Variants in PABPC1L observed in about 807,000 individuals in gnomAD.
PABPC1L encodes polyadenylate-binding protein 1-like.
PABPC1L carries 31 observed loss-of-function variants against 66.6 expected under a neutral mutation model. That is an observed-to-expected ratio of 0.47 (90% CI 0.35 to 0.63). The LOEUF (loss-of-function observed/expected upper bound fraction) is 0.63, where lower values mean the gene tolerates loss of function less well. Ranked by LOEUF, PABPC1L falls within the 20% of genes least tolerant of loss-of-function variation. The pLI, the probability that PABPC1L is intolerant of heterozygous loss-of-function variation, is 0.00. For missense variants in PABPC1L, 722 were observed against 848.8 expected (o/e 0.85, Z 1.86); for synonymous variants, 348 against 335.1 (o/e 1.04, Z -0.42).
intron 10 of PABPC1L, among the ~76,000 whole-genome samples, chr20:44,934,428 G>A (rs1480153310): frequency 6.6e-6 from 1 of 152,172 alleles, no homozygotes; most frequent in Non-Finnish European, 1.5e-5. Context: ...CCACTCTCCA[G>A]AACTCTGTTC....
intron 10 of PABPC1L, 56 bp downstream of exon 10, chr20:44,933,241 T>C: frequency 7.0e-7 from 1 of 1,419,660 alleles, no homozygotes. Context: ...GCACTAGGAG[T>C]CAGGACCAGC....
intron 2 of PABPC1L, 26 bp downstream of exon 2, chr20:44,912,879 T>A (rs749361939): frequency 2.5e-6 from 4 of 1,578,274 alleles, no homozygotes; most frequent in Non-Finnish European, 2.6e-6. Flanking sequence ...TGTACGTCTT[T>A]GGGTAGATCG....
At chr20:44,938,007 A>G (rs2066914503) in intron 12 of PABPC1L, 54 bp from the exon 13 acceptor site, 2 of 1,611,002 alleles carry the variant, frequency 1.2e-6, no homozygotes, top group Non-Finnish European at 1.7e-6. Flanking sequence ...GAGCCCTGGG[A>G]TGCTGGGGTG....
At chr20:44,915,513 T>C (rs1420809637) in intron 2 of PABPC1L, among the ~76,000 whole-genome samples, 1 of 151,872 alleles carries the variant, frequency 6.6e-6, no homozygotes, top group Non-Finnish European at 1.5e-5. Flanking sequence ...TTAAAAAAAT[T>C]GAGGCGGGGT....
In PABPC1L at chr20:44,918,476, C is replaced by T. The variant is rs566219528; in HGVS notation, c.504-430C>T. The stretch of plus-strand genomic sequence containing the variant: ...CAATACATGTTAATAAGCAAAGCCC[C>T]ATGATGAGAATTTGAGTCCCAATTT... On this transcript the variant is annotated intron_variant, in intron 3 of 14. Transcript: ENST00000217073. 5.9e-5 allele frequency among the ~76,000 whole-genome samples: 9 copies of T among 152,302 alleles called. No individual in the cohort carries two copies. In the South Asian group the frequency reaches 1.7e-3, roughly 28 times the overall value.
At chr20:44,912,269 C>T (rs2066710265) in intron 1 of PABPC1L, among the ~76,000 whole-genome samples, 1 of 152,212 alleles carries the variant, frequency 6.6e-6, no homozygotes, top group African/African-American at 2.4e-5. Context: ...GCTGCCACCC[C>T]TTGTCATATG....
chr20:44,922,705 T>C (rs2066782682), intron 6 of PABPC1L, among the ~76,000 whole-genome samples: 1 of 152,216 alleles, frequency 6.6e-6, no homozygotes, highest in Admixed American at 6.5e-5. Context: ...TCTAGATCCT[T>C]CATGGAGAGG....
chr20:44,920,915 G>A (rs1280480015), intron 5 of PABPC1L, among the ~76,000 whole-genome samples: 2 of 147,114 alleles, frequency 1.4e-5, no homozygotes, highest in Non-Finnish European at 3.0e-5. Context: ...CAGTTTCAAG[G>A]GATTCTCCCA....
chr20:44,916,784 G>A lies in PABPC1L; in HGVS notation c.416G>A (p.Gly139Asp). Residue 139 changes from glycine to aspartate, a missense_variant, in exon 3 of 15, where the codon GGT (glycine) becomes GAT (aspartate). Physicochemically the swap from Gly to Asp is moderately conservative, Grantham distance 94. This residue lies in a region of PABPC1L where 284 missense variants were observed against 294.8 expected (regional missense o/e 0.96). Coordinates refer to ENST00000217073, the MANE Select transcript of PABPC1L (RefSeq NM_001372179.1). ...GCGTGTGACGAGCATGGCTCCCGGG[G>A]TTTCGGCTTTGTCCATTTTGAGACC... The part of the protein sequence containing the change: ...KVACDEHGSR[G>D]FGFVHFETHE... 1 of 1,614,184 alleles carries A rather than the reference G, an allele frequency of 6.2e-7. No homozygotes were observed. The highest frequency in any genetic ancestry group is 8.5e-7 in the Non-Finnish European group (1 of 1,180,030).
intron 2 of PABPC1L, among the ~76,000 whole-genome samples, chr20:44,913,387 A>G (rs1184538715): frequency 6.6e-6 from 1 of 151,506 alleles, no homozygotes; most frequent in African/African-American, 2.4e-5. Flanking sequence ...AACTAAATGC[A>G]GAACTGGAAC....
intron 1 of PABPC1L, among the ~76,000 whole-genome samples, chr20:44,911,651 C>T (rs1340288681): frequency 6.6e-6 from 1 of 152,132 alleles, no homozygotes; most frequent in African/African-American, 2.4e-5. Context: ...AGGGGTTGTT[C>T]CGCCGGGCCT....
chr20:44,928,953 G>A (rs1163518182), intron 7 of PABPC1L, among the ~76,000 whole-genome samples: 1 of 151,364 alleles, frequency 6.6e-6, no homozygotes, highest in Non-Finnish European at 1.5e-5. Flanking sequence ...TATGAGCCAG[G>A]CCGGTGTCTT....
rs568746463 is a variant in PABPC1L at position 44,919,061 on chromosome 20, A to G, written c.643+16A>G. ...TCCCAGTTTGGTGGGTGTGTCCCCA[A>G]GGGAGCGGGGGGATCACTGTTTTTC... On this transcript the variant is annotated intron_variant, in intron 4 of 14. Transcript: ENST00000217073. 1.9e-6 allele frequency: 3 copies of G among 1,611,266 alleles called. No homozygotes were observed. The highest frequency in any genetic ancestry group is 1.7e-5 in the Admixed American group (1 of 59,876).
At position 44,918,938 on chromosome 20, in the gene PABPC1L, G is replaced by T; in HGVS notation, c.536G>T (p.Arg179Leu). 6.2e-7 allele frequency: 1 copy of T among 1,608,810 alleles called. No individual in the cohort carries two copies. The highest frequency in any genetic ancestry group is 1.1e-5 in the South Asian group (1 of 90,040). Residue 179 changes from arginine to leucine, a missense_variant, in exon 4 of 15, where the codon CGG (arginine) becomes CTG (leucine). Physicochemically the swap from Arg to Leu is moderately radical, Grantham distance 102 (BLOSUM62 -2). Transcript: ENST00000217073. ...GGTCACTTCAAGTCTCGACGGGAGC[G>T]GGAGGCGGAGCTGGGGGCGCGGGCC... Reference protein sequence around the residue: ...FVGHFKSRREREAELGARALE... With the variant: ...FVGHFKSRRELEAELGARALE...
intron 4 of PABPC1L, 36 bp downstream of exon 4, chr20:44,919,081 T>G: frequency 6.2e-7 from 1 of 1,611,304 alleles, no homozygotes; most frequent in Non-Finnish European, 8.5e-7. Flanking sequence ...GGGATCACTG[T>G]TTTTCCTCTT....
chr20:44,927,128 C>T (rs1175914360), intron 7 of PABPC1L, among the ~76,000 whole-genome samples: 1 of 151,354 alleles, frequency 6.6e-6, no homozygotes, highest in African/African-American at 2.4e-5. Context: ...TCAAGCAGTC[C>T]TCCTACCTCA....
chr20:44,932,883 C>G (rs1394668863), intron 9 of PABPC1L, 174 bp from the exon 10 acceptor site: 2 of 591,954 alleles, frequency 3.4e-6, no homozygotes, highest in East Asian at 2.8e-5. Flanking sequence ...TCCTACACTC[C>G]CCCTTTCTGG....
intron 5 of PABPC1L, 83 bp downstream of exon 5, chr20:44,919,360 G>A: frequency 6.9e-7 from 1 of 1,449,576 alleles, no homozygotes; most frequent in Non-Finnish European, 9.5e-7. Flanking sequence ...CTGTGGAGGG[G>A]AAGAAAGTCC....
chr20:44,918,955 G>A lies in PABPC1L; in HGVS notation c.553G>A (p.Ala185Thr). 1.2e-6 allele frequency: 2 copies of A among 1,612,476 alleles called. No homozygotes were observed. The highest frequency in any genetic ancestry group is 1.7e-6 in the Non-Finnish European group (2 of 1,179,152). The change falls in exon 4 of 15, where the codon GCG becomes ACG. Residue 185 changes from alanine (A) to threonine (T), a missense_variant. Around this residue, in one of 3 missense-constraint regions of PABPC1L, gnomAD observed 284 missense variants for 294.8 expected, o/e 0.96. Transcript: ENST00000217073. ...ACGGGAGCGGGAGGCGGAGCTGGGG[G>A]CGCGGGCCCTGGAGTTCACCAACAT... is the stretch of plus-strand genomic sequence containing the variant. ...SRREREAELG[A>T]RALEFTNIYV...
Sources: allele counts gnomAD v4.1 joint callset (sites outside exome capture counted in the v4.1 genomes callset), GRCh38; gene constraint gnomAD v4.1.1; regional missense constraint gnomAD v4.1.1; transcripts MANE v1.5; gene names NCBI Gene and HGNC (gene_info 2026-07-23, HGNC 2026-07-21).